The following PRKD2 variants were observed in gnomAD, a reference collection of about 807,000 sequenced individuals.
The protein encoded by PRKD2 is serine/threonine-protein kinase D2.
Under a neutral mutation model 86.0 loss-of-function variants are expected in PRKD2, and 22 were observed. The ratio of observed to expected loss-of-function variants is 0.26; its 90% CI spans 0.18 to 0.37. The LOEUF (loss-of-function observed/expected upper bound fraction) is 0.37, where lower values mean the gene tolerates loss of function less well. Ranked by LOEUF, PRKD2 falls within the 10% of genes least tolerant of loss-of-function variation. The probability of loss-of-function intolerance (pLI) is 1.00; values close to 1 mark genes in which losing one functional copy is unlikely to be tolerated. For missense variants in PRKD2, 818 were observed against 1,199.2 expected, an observed-to-expected ratio of 0.68 and a Z score of 4.70; for synonymous variants, 509 against 510.9, an observed-to-expected ratio of 1.00 and a Z score of 0.05.
chr19:46,704,253 T>A lies in PRKD2; in HGVS notation c.805A>T (p.Ile269Phe). The A allele has an allele frequency of 6.2e-7, 1 of 1,614,120 alleles. No individual in the cohort carries two copies. The highest frequency in any genetic ancestry group is 8.5e-7 in the Non-Finnish European group (1 of 1,180,004). Residue 269 changes from isoleucine (I) to phenylalanine (F), a missense_variant, in exon 5 of 18, where the codon ATC becomes TTC. This residue lies in a region of PRKD2 where 403 missense variants were observed against 518.6 expected (regional missense o/e 0.78). Transcript: ENST00000291281. ...ACGGTGGGCCGTGTATAGCTGTGGA[T>A]GAGGAAGGTGTGCGGCACCTTGACC... ...SKVKVPHTFL[I>F]HSYTRPTVCQ...
At chr19:46,697,631 C>G in intron 8 of PRKD2, 102 bp downstream of exon 8, 1 of 1,088,534 alleles carries the variant, frequency 9.2e-7, no homozygotes, top group Admixed American at 1.9e-5. Context: ...GCCCCGCTCG[C>G]GCCTAGCTCC....
At chr19:46,710,007 C>T (rs1388792072) in intron 3 of PRKD2, among the ~76,000 whole-genome samples, 2 of 152,130 alleles carry the variant, frequency 1.3e-5, no homozygotes, top group African/African-American at 4.8e-5. Flanking sequence ...AAGCAATTCT[C>T]CTGCCTCAGC....
chr19:46,695,009 C>G (rs536518589), intron 9 of PRKD2, among the ~76,000 whole-genome samples: 115 of 151,418 alleles, frequency 7.6e-4, no homozygotes, highest in Admixed American at 2.0e-3. Context: ...TGAGACCAGC[C>G]AGAGCAACAC....
At chr19:46,697,629 C>T (rs530198399) in intron 8 of PRKD2, 104 bp downstream of exon 8, 10 of 1,060,278 alleles carry the variant, frequency 9.4e-6, no homozygotes, top group South Asian at 1.4e-5. Context: ...TGGCCCCGCT[C>T]GCGCCTAGCT....
intron 13 of PRKD2, 82 bp downstream of exon 13, chr19:46,690,518 A>G: frequency 1.0e-5 from 13 of 1,273,904 alleles, no homozygotes; most frequent in African/African-American, 2.9e-5. Flanking sequence ...CTCCCCCAGG[A>G]AGCCTTCCCT....
At chr19:46,681,832 A>C (rs1599812660) in intron 14 of PRKD2, 84 bp from the exon 15 acceptor site, 10 of 711,190 alleles carry the variant, frequency 1.4e-5, no homozygotes, top group East Asian at 3.0e-5. Flanking sequence ...CTCCAAACCC[A>C]TCCATACTTT....
chr19:46,681,637 G>A lies in PRKD2; in HGVS notation c.2070+13C>T, dbSNP rs1337864411. Reference sequence around the variant, plus strand: ...GCCTGGATTTCCCCAAATCAGGAGGGGACATAACTGACCTGAGGAAATGGG... The same window carrying A: ...GCCTGGATTTCCCCAAATCAGGAGGAGACATAACTGACCTGAGGAAATGGG... On this transcript the variant is annotated intron_variant, in intron 15 of 17. Coordinates refer to ENST00000291281, the MANE Select transcript of PRKD2 (RefSeq NM_016457.5). 6.4e-7 allele frequency: 1 copy of A among 1,564,200 alleles called. No individual in the cohort carries two copies. The highest frequency in any genetic ancestry group is 8.8e-7 in the Non-Finnish European group (1 of 1,138,616).
intron 15 of PRKD2, among the ~76,000 whole-genome samples, chr19:46,680,947 T>TATATATATATATATATATATA (rs1555826536): frequency 6.3e-4 from 21 of 33,196 alleles, no homozygotes; most frequent in Admixed American, 1.2e-3. Flanking sequence ...TATATATATA[T>TATATATATATATATATATATA]TTTTTTTTTT....
chr19:46,674,858 C>T, intron 17 of PRKD2, 123 bp from the exon 18 acceptor site: 1 of 1,221,392 alleles, frequency 8.2e-7, no homozygotes, highest in Non-Finnish European at 1.1e-6. Flanking sequence ...GCAACCCACC[C>T]AGCCAGTAGA....
Position 46,697,840 on chromosome 19 carries a change from A to T in PRKD2, c.1132T>A (p.Tyr378Asn). ...TGCACCACCCTCATTAGGGGGATGTACCCCAGGGAGCTGCGAAGGAAGAGG... is the reference window on the plus strand; with the variant it reads ...TGCACCACCCTCATTAGGGGGATGTTCCCCAGGGAGCTGCGAAGGAAGAGG... ...EGGKAQSSLG[Y>N]IPLMRVVQSV... Residue 378 changes from tyrosine (Y) to asparagine (N), a missense_variant, in exon 8 of 18, where the codon TAC becomes AAC. Transcript: ENST00000291281. 6.2e-7 allele frequency: 1 copy of T among 1,613,316 alleles called. No individual in the cohort carries two copies. Among genetic ancestry groups the T allele is most frequent in the Non-Finnish European group, 8.5e-7 (1 of 1,179,422 alleles).
At chr19:46,676,232 A>C (rs1208841226) in intron 16 of PRKD2, among the ~76,000 whole-genome samples, 2 of 151,890 alleles carry the variant, frequency 1.3e-5, no homozygotes, top group Admixed American at 6.6e-5. Flanking sequence ...AGTTCGAGAC[A>C]AGCCTGGCCA....
chr19:46,711,076 G>A, intron 2 of PRKD2, 38 bp from the exon 3 acceptor site: 1 of 1,548,214 alleles, frequency 6.5e-7, no homozygotes. Context: ...TTGAGGCGGG[G>A]TAGGCCAAAG....
chr19:46,708,743 T>C (rs945440189), intron 3 of PRKD2, among the ~76,000 whole-genome samples: 1 of 152,214 alleles, frequency 6.6e-6, no homozygotes, highest in African/African-American at 2.4e-5. Flanking sequence ...AATCTGGATC[T>C]TTGTCTTTCC....
Position 46,678,780 on chromosome 19 carries a change from A to T in PRKD2, c.2071-117T>A, listed in dbSNP as rs1042073983. On this transcript the variant is annotated intron_variant, in intron 15 of 17. Coordinates refer to ENST00000291281, the MANE Select transcript of PRKD2 (RefSeq NM_016457.5). This position sits in a 1 kb window ranked among gnomAD's most constrained non-coding sequence, Gnocchi z 5.7. ...GAAAGCTGGATGCTGGTTTGAATCC[A>T]GGCTCCTTGGCTCACTAGCTGAGCA... 66 of 1,294,486 alleles carry T rather than the reference A, an allele frequency of 5.1e-5. 1 individual carries two copies. In the South Asian group the frequency reaches 5.8e-4, roughly 11 times the overall value. 80.2% of individuals were successfully genotyped at this position (1,294,486 alleles called of 1,614,324 possible). A position where few individuals can be genotyped will look rare whatever the true frequency, so the allele number is the denominator to read the frequency against.
At chr19:46,688,435 TATTATTA>T (rs1019685776) in intron 14 of PRKD2, among the ~76,000 whole-genome samples, 1 of 148,868 alleles carries the variant, frequency 6.7e-6, no homozygotes, top group African/African-American at 2.5e-5. Flanking sequence ...TTATTATTAT[TATTATTA>T]TTTTTTTTTT....
At chr19:46,705,657 C>G (rs184994407) in intron 3 of PRKD2, among the ~76,000 whole-genome samples, 22 of 152,196 alleles carry the variant, frequency 1.4e-4, no homozygotes, top group Non-Finnish European at 3.1e-4. Flanking sequence ...TGTAGTGGCA[C>G]ACGCCTGTAA....
intron 7 of PRKD2, among the ~76,000 whole-genome samples, 154 bp downstream of exon 7, chr19:46,700,645 T>TA (rs897231801): frequency 2.6e-5 from 4 of 151,974 alleles, no homozygotes; most frequent in African/African-American, 9.7e-5. Context: ...AAAAATTATT[T>TA]AAAAAAAATT....
In PRKD2 at chr19:46,674,589, G is replaced by C. The variant is rs1247260946; in HGVS notation, c.2571C>G (p.Leu857=). ...GGTCCTGTGGTGGACAGGCCCCACC[G>C]AGATCCCTGTCCGTGGGCAGCCCAG... ...PGSGLPTDRD[L]GGACPPQDHD... Residue 857 remains leucine, a synonymous_variant, in exon 18 of 18, where the codon CTC becomes CTG. Coordinates refer to ENST00000291281, the MANE Select transcript of PRKD2 (RefSeq NM_016457.5). 2 of 1,611,066 alleles carry C rather than the reference G, an allele frequency of 1.2e-6. No homozygotes were observed. Among genetic ancestry groups the C allele is most frequent in the African/African-American group, 1.3e-5 (1 of 74,890 alleles).
chr19:46,700,775 T>A, intron 7 of PRKD2, 24 bp downstream of exon 7: 1 of 1,595,692 alleles, frequency 6.3e-7, no homozygotes, highest in Non-Finnish European at 8.6e-7. Flanking sequence ...TCCCCCAGGG[T>A]CTCTTGGAGG....
Sources: allele counts gnomAD v4.1 joint callset (sites outside exome capture counted in the v4.1 genomes callset), GRCh38; gene constraint gnomAD v4.1.1; regional missense constraint gnomAD v4.1.1; non-coding constraint Gnocchi (gnomAD v3.1); transcripts MANE v1.5; gene names NCBI Gene and HGNC (gene_info 2026-07-23, HGNC 2026-07-21).